Variants in C1QTNF3 observed in about 807,000 individuals in gnomAD.
The protein encoded by C1QTNF3 is C1q and TNF related 3, also known as complement C1q tumor necrosis factor-related protein 3.
C1QTNF3 carries 26 observed loss-of-function variants against 32.6 expected under a neutral mutation model. The observed-to-expected ratio is 0.80, with a 90% CI of 0.58 to 1.11. The LOEUF is 1.11. Among genes scored for constraint, C1QTNF3 ranks in the 50% least tolerant of loss-of-function variants. C1QTNF3 has a pLI of 0.00. For missense variants in C1QTNF3, 362 were observed against 398.2 expected (o/e 0.91, Z 0.77); for synonymous variants, 155 against 146.0 (o/e 1.06, Z -0.44).
the C1QTNF3 span, among the ~76,000 whole-genome samples, chr5:34,069,538 T>C: frequency 6.6e-6 from 1 of 152,206 alleles, no homozygotes; most frequent in African/African-American, 2.4e-5. Flanking sequence ...ATCTGTCCAC[T>C]GACCTCAGTT....
chr5:34,023,249 T>C (rs1754385507), intron 5 of C1QTNF3, among the ~76,000 whole-genome samples: 1 of 152,164 alleles, frequency 6.6e-6, no homozygotes, highest in African/African-American at 2.4e-5. Flanking sequence ...GCACCTCTCC[T>C]ACAACCCCTC....
chr5:34,055,266 T>C, the C1QTNF3 span, among the ~76,000 whole-genome samples: 29 of 152,284 alleles, frequency 1.9e-4, no homozygotes, highest in Admixed American at 4.6e-4. Flanking sequence ...ATTGGCTAAT[T>C]CTAAACTATA....
At chr5:34,037,098 C>T (rs1253531940) in intron 1 of C1QTNF3, among the ~76,000 whole-genome samples, 1 of 152,170 alleles carries the variant, frequency 6.6e-6, no homozygotes, top group Non-Finnish European at 1.5e-5. Context: ...TGTTTACCGT[C>T]AAAGAGCTAA....
chr5:34,056,705 C>G, the C1QTNF3 span, among the ~76,000 whole-genome samples: 3 of 151,682 alleles, frequency 2.0e-5, no homozygotes, highest in African/African-American at 7.3e-5. Context: ...AAGATGAAGT[C>G]TCACTATGTT....
chr5:34,045,721 A>T (rs1382762191), upstream of C1QTNF3, among the ~76,000 whole-genome samples: 1 of 152,030 alleles, frequency 6.6e-6, no homozygotes, highest in African/African-American at 2.4e-5. Flanking sequence ...GATTCTGCAA[A>T]GAAGGATCTC....
At chr5:34,211,507 C>A in the C1QTNF3 span, among the ~76,000 whole-genome samples, 4 of 150,822 alleles carry the variant, frequency 2.7e-5, no homozygotes, top group African/African-American at 9.7e-5. Context: ...CCTCATTTAG[C>A]ATTAGGTATA....
chr5:34,200,945 T>C, the C1QTNF3 span: 1 of 151,864 alleles, frequency 6.6e-6, no homozygotes, highest in African/African-American at 2.4e-5. Flanking sequence ...AGAAGACCAA[T>C]ATCAAAATCT....
the C1QTNF3 span, among the ~76,000 whole-genome samples, chr5:34,093,293 G>GT: frequency 2.1e-4 from 26 of 121,264 alleles, no homozygotes; most frequent in Admixed American, 4.3e-4. Context: ...CCTATTCTTT[G>GT]TTTTTTTTAA....
At chr5:34,169,871 G>A in the C1QTNF3 span, among the ~76,000 whole-genome samples, 2 of 152,008 alleles carry the variant, frequency 1.3e-5, no homozygotes, top group Non-Finnish European at 2.9e-5. Context: ...ACAGTATGGC[G>A]GTTCCTCCAA....
intron 3 of C1QTNF3, among the ~76,000 whole-genome samples, chr5:34,031,678 C>G (rs1378803076): frequency 6.6e-6 from 1 of 151,906 alleles, no homozygotes; most frequent in Non-Finnish European, 1.5e-5. Context: ...ACTAAAAATA[C>G]AAAAAAATTA....
the C1QTNF3 span, among the ~76,000 whole-genome samples, chr5:34,084,410 G>A: frequency 0.016 from 2,463 of 151,788 alleles, 149 homozygotes; most frequent in African/African-American, 0.057. Flanking sequence ...GAGCAATAAA[G>A]ATAAACGTAT....
At chr5:34,039,589 A>G (rs1441301663) in intron 1 of C1QTNF3, among the ~76,000 whole-genome samples, 1 of 152,140 alleles carries the variant, frequency 6.6e-6, no homozygotes, top group Non-Finnish European at 1.5e-5. Flanking sequence ...AGGGTGTGTA[A>G]GCATGCATAC....
the C1QTNF3 span, among the ~76,000 whole-genome samples, chr5:34,113,905 G>A: frequency 2.6e-4 from 39 of 152,254 alleles, no homozygotes; most frequent in African/African-American, 9.1e-4. Context: ...TCCAAATCAT[G>A]GTGGCAGTGA....
the C1QTNF3 span, among the ~76,000 whole-genome samples, chr5:34,107,546 G>A: frequency 2.6e-5 from 4 of 151,574 alleles, no homozygotes; most frequent in African/African-American, 9.7e-5. Context: ...ATAGAATTAA[G>A]AAAATTAATT....
the C1QTNF3 span, among the ~76,000 whole-genome samples, chr5:34,118,116 G>T: frequency 6.2e-4 from 95 of 152,180 alleles, no homozygotes; most frequent in East Asian, 0.016. Context: ...GTCTCACTCT[G>T]TTGCCCAGGC....
chr5:34,064,122 C>A, the C1QTNF3 span, among the ~76,000 whole-genome samples: 1 of 152,148 alleles, frequency 6.6e-6, no homozygotes, highest in Non-Finnish European at 1.5e-5. Flanking sequence ...AAAGCCCTTC[C>A]CCAGACAGCC....
At chr5:34,055,188 T>C in the C1QTNF3 span, among the ~76,000 whole-genome samples, 18 of 152,360 alleles carry the variant, frequency 1.2e-4, no homozygotes, top group African/African-American at 4.1e-4. Flanking sequence ...CCATAACTAA[T>C]TCTTAACTGA....
upstream of C1QTNF3, among the ~76,000 whole-genome samples, chr5:34,045,647 G>C (rs1412484900): frequency 6.6e-6 from 1 of 152,094 alleles, no homozygotes; most frequent in Non-Finnish European, 1.5e-5. Flanking sequence ...GAAAGAACTG[G>C]ACTCCATCTG....
the C1QTNF3 span, among the ~76,000 whole-genome samples, chr5:34,144,880 A>C: frequency 6.6e-6 from 1 of 152,192 alleles, no homozygotes; most frequent in East Asian, 1.9e-4. Context: ...CTGTAACCCC[A>C]GCACTTTGGG....
Sources: gnomAD v4.1 joint callset for allele counts (sites outside exome capture counted in the v4.1 genomes callset) on GRCh38, gnomAD v4.1.1 for gene constraint, MANE v1.5 for transcripts, NCBI Gene and HGNC (gene_info 2026-07-23, HGNC 2026-07-21) for gene names.